The following SERINC5 variants were observed in gnomAD, a reference collection of about 807,000 sequenced individuals.
The protein encoded by SERINC5 is serine incorporator 5, also known as chromosome 5 open reading frame 12.
In SERINC5, 41 loss-of-function variants were observed where a neutral mutation model predicts 63.1. The ratio of observed to expected loss-of-function variants is 0.65; its 90% CI spans 0.51 to 0.84. SERINC5 has a LOEUF of 0.84. Among genes scored for constraint, SERINC5 ranks in the 40% least tolerant of loss-of-function variants. The pLI, the probability that SERINC5 is intolerant of heterozygous loss-of-function variation, is 0.00. For missense variants in SERINC5, 523 were observed against 573.0 expected (o/e 0.91, Z 0.89); for synonymous variants, 222 against 215.2 (o/e 1.03, Z -0.28).
intron 1 of SERINC5, among the ~76,000 whole-genome samples, chr5:80,241,247 G>A (rs1751926597): frequency 6.9e-6 from 1 of 145,542 alleles, no homozygotes; most frequent in Admixed American, 6.9e-5. Flanking sequence ...AAGGTGGGCG[G>A]ATCACGAGGT....
intron 9 of SERINC5, 117 bp downstream of exon 9, chr5:80,150,765 C>A: frequency 1.3e-6 from 1 of 791,328 alleles, no homozygotes; most frequent in Non-Finnish European, 2.2e-6. Context: ...AAAAATCTTT[C>A]CTCAGCAGAA....
chr5:80,112,202 G>A (rs1025743901), intron 12 of SERINC5, among the ~76,000 whole-genome samples: 1 of 152,166 alleles, frequency 6.6e-6, no homozygotes, highest in Non-Finnish European at 1.5e-5. Context: ...GGAATGTCTC[G>A]GTATAAAACC....
chr5:80,232,548 G>A (rs1483360251), intron 1 of SERINC5, among the ~76,000 whole-genome samples: 1 of 152,182 alleles, frequency 6.6e-6, no homozygotes, highest in African/African-American at 2.4e-5. Flanking sequence ...CACTTTGGGA[G>A]GCCAAGGCGG....
rs530782425 is a variant in SERINC5 at position 80,142,316 on chromosome 5, C to T, written c.*1347G>A. 8 of 976,752 alleles carry T rather than the reference C, an allele frequency of 8.2e-6. No individual in the cohort carries two copies. The East Asian group carries it at 8.0e-4, about 97-fold the overall frequency. The allele number at this position is 976,752 out of a possible 1,614,324, so 60.5% of individuals were successfully genotyped here. A position where few individuals can be genotyped will look rare whatever the true frequency, so the allele number is the denominator to read the frequency against. On this transcript the variant is annotated 3_prime_UTR_variant, in exon 12 of 12. Transcript: ENST00000507668. ...CAGCGTGATCTCGGCTCACTGCAAC[C>T]TCCGCCTCCCGGGTTCAAGTGATTC...
At chr5:80,232,709 A>T (rs10064120) in intron 1 of SERINC5, among the ~76,000 whole-genome samples, 1 of 151,276 alleles carries the variant, frequency 6.6e-6, no homozygotes, top group Admixed American at 6.6e-5. Flanking sequence ...ACTTGAACCC[A>T]GGAGGCAGAG....
intron 1 of SERINC5, among the ~76,000 whole-genome samples, chr5:80,252,974 T>C (rs1249536008): frequency 6.6e-6 from 1 of 152,212 alleles, no homozygotes; most frequent in African/African-American, 2.4e-5. Flanking sequence ...TGACTTGCCA[T>C]TTCCATTAAA....
At chr5:80,210,558 T>A (rs992618629) in intron 1 of SERINC5, among the ~76,000 whole-genome samples, 1 of 152,056 alleles carries the variant, frequency 6.6e-6, no homozygotes, top group African/African-American at 2.4e-5. Flanking sequence ...AAAAGCACAA[T>A]ACCTTCATTA....
intron 1 of SERINC5, among the ~76,000 whole-genome samples, chr5:80,215,502 A>AGCTT (rs1750622460): frequency 6.6e-6 from 1 of 152,352 alleles, no homozygotes; most frequent in East Asian, 1.9e-4. Context: ...TAAAAGTTCA[A>AGCTT]GAAGTTAAAC....
At chr5:80,229,685 G>A (rs1751353967) in intron 1 of SERINC5, among the ~76,000 whole-genome samples, 1 of 152,152 alleles carries the variant, frequency 6.6e-6, no homozygotes, top group African/African-American at 2.4e-5. Context: ...AAGTTATAAT[G>A]ATGAACATCT....
At position 80,150,961 on chromosome 5, in the gene SERINC5, C is replaced by T; in HGVS notation, c.987-13G>A. On this transcript the variant is annotated splice_polypyrimidine_tract_variant and intron_variant, in intron 8 of 11. Coordinates refer to ENST00000507668, the MANE Select transcript of SERINC5 (RefSeq NM_001174072.3). Reference sequence around the variant, plus strand: ...TGTTGATGTCAAACTAAGAAACAGACAAAAACGTCAGCTGGGCATATTAAC... The same window carrying T: ...TGTTGATGTCAAACTAAGAAACAGATAAAAACGTCAGCTGGGCATATTAAC... 2 of 1,607,122 alleles carry T rather than the reference C, an allele frequency of 1.2e-6. No individual in the cohort carries two copies. Among genetic ancestry groups the T allele is most frequent in the African/African-American group, 1.3e-5 (1 of 74,904 alleles).
At chr5:80,135,866 T>G (rs1399049371), downstream of SERINC5, among the ~76,000 whole-genome samples, 3 of 146,004 alleles carry the variant, frequency 2.1e-5, no homozygotes, top group Non-Finnish European at 4.5e-5. Context: ...AGTATCTATG[T>G]GGGAAGAAGC....
intron 1 of SERINC5, among the ~76,000 whole-genome samples, chr5:80,206,576 G>A (rs1295029731): frequency 2.0e-5 from 3 of 152,202 alleles, no homozygotes; most frequent in African/African-American, 7.2e-5. Context: ...GCTGAGATAA[G>A]AGAATACACA....
At chr5:80,229,056 T>TGGGGGGGG (rs1554070815) in intron 1 of SERINC5, among the ~76,000 whole-genome samples, 1 of 72,748 alleles carries the variant, frequency 1.4e-5, no homozygotes, top group African/African-American at 7.2e-5. Flanking sequence ...TTTTTGGGGA[T>TGGGGGGGG]GGAGTTGCCT....
In SERINC5 at chr5:80,139,829, G is replaced by C. The variant is rs896489848; in HGVS notation, c.*3834C>G. The stretch of plus-strand genomic sequence containing the variant: ...GTGTGTAAGGTCTTACTTAGTTCAA[G>C]GTTTGTCCCTTCTTAGTTGTAGGTT... On this transcript the variant is annotated 3_prime_UTR_variant, in exon 12 of 12. Coordinates refer to ENST00000507668, the MANE Select transcript of SERINC5 (RefSeq NM_001174072.3). The C allele has an allele frequency of 1.6e-5, 16 of 985,262 alleles. No individual in the cohort carries two copies. The African/African-American group carries it at 2.8e-4, about 17-fold the overall frequency. 61.0% of individuals were successfully genotyped at this position (985,262 alleles called of 1,614,324 possible).
At chr5:80,118,228 G>A (rs1457389745) in intron 11 of SERINC5, among the ~76,000 whole-genome samples, 1 of 151,874 alleles carries the variant, frequency 6.6e-6, no homozygotes, top group Non-Finnish European at 1.5e-5. Context: ...ATAATAACTT[G>A]GCTAATCCAG....
chr5:80,232,150 A>G (rs187945807), intron 1 of SERINC5, among the ~76,000 whole-genome samples: 242 of 150,942 alleles, frequency 1.6e-3, no homozygotes, highest in African/African-American at 5.7e-3. Context: ...CACGCCTGTA[A>G]TCCCAGCATT....
chr5:80,253,767 T>C (rs561031147), intron 1 of SERINC5, among the ~76,000 whole-genome samples: 1 of 152,288 alleles, frequency 6.6e-6, no homozygotes, highest in South Asian at 2.1e-4. Context: ...TGTTTCATTG[T>C]TTACATGTTT....
intron 2 of SERINC5, among the ~76,000 whole-genome samples, chr5:80,200,560 A>G (rs1749773901): frequency 6.6e-6 from 1 of 152,138 alleles, no homozygotes; most frequent in Non-Finnish European, 1.5e-5. Flanking sequence ...CATTTCTCGC[A>G]AGTGTGAACA....
chr5:80,136,526 T>A (rs1245987363), downstream of SERINC5, among the ~76,000 whole-genome samples: 1 of 152,128 alleles, frequency 6.6e-6, no homozygotes. Context: ...TCATACCATA[T>A]TAAAAAATCA....
Sources: allele counts gnomAD v4.1 joint callset (sites outside exome capture counted in the v4.1 genomes callset), GRCh38; gene constraint gnomAD v4.1.1; transcripts MANE v1.5; gene names NCBI Gene and HGNC (gene_info 2026-07-23, HGNC 2026-07-21).